Variants in CDKL1 observed in about 807,000 individuals in gnomAD.
CDKL1 encodes the protein cyclin-dependent kinase-like 1.
CDKL1 carries 41 observed loss-of-function variants against 42.0 expected under a neutral mutation model. The ratio of observed to expected loss-of-function variants is 0.98; its 90% confidence interval spans 0.76 to 1.27. The LOEUF is 1.27. CDKL1 is among the 50% of genes most tolerant of loss of function. The pLI, the probability that CDKL1 is intolerant of heterozygous loss-of-function variation, is 0.00. For synonymous variants in CDKL1, 153 were observed against 158.6 expected (o/e 0.96, Z 0.26); for missense variants, 394 against 428.4 (o/e 0.92, Z 0.71).
intron 4 of CDKL1, 127 bp downstream of exon 4, chr14:50,344,859 C>T (rs1595286035): frequency 1.4e-6 from 1 of 695,222 alleles, no homozygotes; most frequent in African/African-American, 1.8e-5. Context: ...CTATACTTAC[C>T]CAACCAGGCT....
intron 3 of CDKL1, among the ~76,000 whole-genome samples, chr14:50,349,873 A>G: frequency 6.6e-6 from 1 of 151,954 alleles, no homozygotes; most frequent in Non-Finnish European, 1.5e-5. Context: ...GGTTCAAGCA[A>G]TTCTCCTGCC....
At position 50,392,108 on chromosome 14, in the gene CDKL1, C is replaced by T. The variant is rs574986009; in HGVS notation, c.168+3593G>A. Among the ~76,000 whole-genome samples, 8 of 152,332 alleles carry T rather than the reference C, an allele frequency of 5.3e-5. No homozygotes were observed. The South Asian group carries it at 8.3e-4, about 16-fold the overall frequency. On this transcript the variant is annotated intron_variant, in intron 2 of 9. Coordinates refer to ENST00000395834, the MANE Select transcript of CDKL1 (RefSeq NM_004196.7). ...AATCCTAAATCTACTAATGGAGACA[C>T]AGAGCATCCCCTCACTTTTGAACAA... is the stretch of plus-strand genomic sequence containing the variant.
intron 5 of CDKL1, among the ~76,000 whole-genome samples, chr14:50,341,455 C>CCG (rs2033523846): frequency 2.2e-4 from 1 of 4,548 alleles, no homozygotes; most frequent in East Asian, 8.8e-3. Context: ...TGGGGAGGGT[C>CCG]TGGGGGGGGG....
In CDKL1 at chr14:50,326,469, C is replaced by A; in HGVS notation, c.*3605G>T. 2 of 985,290 alleles carry A rather than the reference C, an allele frequency of 2.0e-6. No homozygotes were observed. The highest frequency in any genetic ancestry group is 2.4e-6 in the Non-Finnish European group (2 of 829,874). The allele number at this position is 985,290 out of a possible 1,614,324, so 61.0% of individuals were successfully genotyped here. On this transcript the variant is annotated 3_prime_UTR_variant, in exon 10 of 10. Coordinates refer to ENST00000395834, the MANE Select transcript of CDKL1 (RefSeq NM_004196.7). ...TAAATTACAGATTCATTGATGGAGTCAATTATGCAAAGTGGTCAGTGGTTG... is the reference window on the plus strand; with the variant it reads ...TAAATTACAGATTCATTGATGGAGTAAATTATGCAAAGTGGTCAGTGGTTG...
At chr14:50,395,673 GA>G (rs765767711) in intron 2 of CDKL1, 27 bp downstream of exon 2, 29 of 1,517,868 alleles carry the variant, frequency 1.9e-5, no homozygotes, top group Non-Finnish European at 2.3e-5. Context: ...TCTCGAAAAA[GA>G]AAAAAAAGGA....
intron 2 of CDKL1, among the ~76,000 whole-genome samples, chr14:50,386,853 G>A (rs1272223278): frequency 1.3e-5 from 2 of 151,774 alleles, no homozygotes; most frequent in East Asian, 3.9e-4. Flanking sequence ...GACCAGCCTG[G>A]CCATCTCTAC....
intron 5 of CDKL1, among the ~76,000 whole-genome samples, chr14:50,341,780 CAAA>C (rs11381667): frequency 7.0e-5 from 9 of 129,268 alleles, no homozygotes; most frequent in African/African-American, 5.8e-5. Context: ...GACCCTGTCT[CAAA>C]AAAAAAAAAA....
At chr14:50,380,802 C>CTTTGTTTTTTTTTTTTTTTTTT (rs368170212) in intron 2 of CDKL1, among the ~76,000 whole-genome samples, 2 of 134,604 alleles carry the variant, frequency 1.5e-5, no homozygotes, top group Non-Finnish European at 3.2e-5. Flanking sequence ...CTGTGACTTC[C>CTTTGTTTTTTTTTTTTTTTTTT]TTTTTTTTTT....
At chr14:50,349,012 T>C (rs2033816430) in intron 3 of CDKL1, among the ~76,000 whole-genome samples, 1 of 151,616 alleles carries the variant, frequency 6.6e-6, no homozygotes, top group South Asian at 2.1e-4. Flanking sequence ...ACAAAACAAT[T>C]CAAAAATTTT....
intron 2 of CDKL1, chr14:50,378,205 T>G (rs1209775397): frequency 3.7e-6 from 5 of 1,366,466 alleles, no homozygotes; most frequent in Non-Finnish European, 4.9e-6. Flanking sequence ...CCTCACATGA[T>G]GCAGGTGCCT....
At position 50,390,200 on chromosome 14, in the gene CDKL1, T is replaced by A; in HGVS notation, c.168+5501A>T. The stretch of plus-strand genomic sequence containing the variant: ...TTCTTGTTTTCTGGAGGGAGACATG[T>A]CATAGACAATGTCCCAGCTGCTGCT... On this transcript the variant is annotated intron_variant, in intron 2 of 9. Transcript: ENST00000395834. 4 of 1,364,106 alleles carry A rather than the reference T, an allele frequency of 2.9e-6. No individual in the cohort carries two copies. The South Asian group carries it at 3.4e-5, about 12-fold the overall frequency. 84.5% of individuals were successfully genotyped at this position (1,364,106 alleles called of 1,614,324 possible). A position where few individuals can be genotyped will look rare whatever the true frequency, so the allele number is the denominator to read the frequency against.
intron 2 of CDKL1, among the ~76,000 whole-genome samples, chr14:50,385,291 C>T (rs771929104): frequency 6.6e-6 from 1 of 152,120 alleles, no homozygotes; most frequent in African/African-American, 2.4e-5. Flanking sequence ...CATACACTTA[C>T]TGATGGGAGC....
At chr14:50,330,824 T>G (rs2032895313) in intron 9 of CDKL1, 1 of 152,254 alleles carries the variant, frequency 6.6e-6, no homozygotes, top group Non-Finnish European at 1.5e-5. Context: ...TCCTTCGGTA[T>G]CCCTAAAAAG....
At chr14:50,341,520 T>G (rs2033537789) in intron 5 of CDKL1, among the ~76,000 whole-genome samples, 1 of 149,752 alleles carries the variant, frequency 6.7e-6, no homozygotes. Flanking sequence ...GGCTCACACT[T>G]GTAATCCCAG....
chr14:50,375,046 T>C (rs1396353005), intron 2 of CDKL1, among the ~76,000 whole-genome samples: 2 of 152,042 alleles, frequency 1.3e-5, no homozygotes, highest in Non-Finnish European at 2.9e-5. Context: ...GTGGTACATG[T>C]ATACCTATGG....
At chr14:50,369,448 T>G (rs946736308) in intron 2 of CDKL1, among the ~76,000 whole-genome samples, 2 of 152,088 alleles carry the variant, frequency 1.3e-5, no homozygotes, top group Admixed American at 1.3e-4. Flanking sequence ...ATTTAATATG[T>G]CCATGTTTCT....
At chr14:50,373,760 A>C (rs1365709757) in intron 2 of CDKL1, among the ~76,000 whole-genome samples, 2 of 152,226 alleles carry the variant, frequency 1.3e-5, no homozygotes, top group African/African-American at 2.4e-5. Context: ...AAAATCCCCC[A>C]AAAAGCTGAT....
chr14:50,389,557 C>T (rs187568752), intron 2 of CDKL1, among the ~76,000 whole-genome samples: 4 of 152,214 alleles, frequency 2.6e-5, no homozygotes, highest in Admixed American at 6.5e-5. Flanking sequence ...CTCTGCATTA[C>T]GTTGTGATAT....
intron 3 of CDKL1, among the ~76,000 whole-genome samples, chr14:50,349,648 CA>C (rs2033835803): frequency 6.6e-6 from 1 of 152,216 alleles, no homozygotes; most frequent in Admixed American, 6.5e-5. Context: ...ATATATTCAA[CA>C]AACTTAACAG....
Sources: allele counts gnomAD v4.1 joint callset (sites outside exome capture counted in the v4.1 genomes callset), GRCh38; gene constraint gnomAD v4.1.1; transcripts MANE v1.5; gene names NCBI Gene and HGNC (gene_info 2026-07-23, HGNC 2026-07-21).